PRKCH: variants seen among roughly 807,000 people sequenced by gnomAD.
PRKCH encodes protein kinase C eta type.
Under a neutral mutation model 82.5 loss-of-function variants are expected in PRKCH, and 28 were observed. The observed-to-expected ratio is 0.34, with a 90% CI of 0.25 to 0.47. The LOEUF is 0.47. Ranked by LOEUF, PRKCH falls within the 20% of genes least tolerant of loss-of-function variation. The pLI, the probability that PRKCH is intolerant of heterozygous loss-of-function variation, is 1.00. For synonymous variants in PRKCH, 322 were observed against 327.4 expected, an observed-to-expected ratio of 0.98 and a Z score of 0.18; for missense variants, 705 against 881.8, an observed-to-expected ratio of 0.80 and a Z score of 2.54.
chr14:61,230,954 A>C (rs892507453), intron 1 of PRKCH, among the ~76,000 whole-genome samples: 1 of 152,274 alleles, frequency 6.6e-6, no homozygotes, highest in Non-Finnish European at 1.5e-5. Flanking sequence ...GTCCACCATC[A>C]ATTTAATTTA....
upstream of PRKCH, among the ~76,000 whole-genome samples, chr14:61,321,311 C>G (rs576035083): frequency 2.6e-5 from 4 of 152,204 alleles, no homozygotes; most frequent in Admixed American, 2.0e-4. This position sits in a 1 kb window ranked among gnomAD's most constrained non-coding sequence, Gnocchi z 4.1. Flanking sequence ...TCCCAACCTT[C>G]CATCGCTCCC....
Position 61,443,246 on chromosome 14 carries a change from G to T in PRKCH, c.563G>T (p.Cys188Phe). ...YLRQPTYCSH[C>F]REFIWGVFGK... ...AGGCAGCCCACCTACTGCTCTCACT[G>T]CAGGGAGTTTATCTGGTAAGGGGTT... The change falls in exon 3 of 14, where the codon TGC becomes TTC. Residue 188 changes from cysteine to phenylalanine, a missense_variant. Physicochemically the swap from Cys to Phe is radical, Grantham distance 205 (BLOSUM62 -2). This residue lies in a region of PRKCH where 246 missense variants were observed against 308.0 expected (regional missense o/e 0.80). Transcript: ENST00000332981. The T allele has an allele frequency of 1.2e-6, 2 of 1,613,896 alleles. No individual in the cohort carries two copies. Among genetic ancestry groups the T allele is most frequent in the Non-Finnish European group, 1.7e-6 (2 of 1,179,880 alleles).
At chr14:61,332,350 T>A (rs534379134) in intron 1 of PRKCH, among the ~76,000 whole-genome samples, 2 of 152,342 alleles carry the variant, frequency 1.3e-5, no homozygotes, top group African/African-American at 4.8e-5. Context: ...TTATCAAGAT[T>A]ATTATGTTAG....
intron 1 of PRKCH, among the ~76,000 whole-genome samples, chr14:61,264,603 A>G (rs2045080328): frequency 6.6e-6 from 1 of 152,168 alleles, no homozygotes; most frequent in Non-Finnish European, 1.5e-5. Flanking sequence ...CTTACAAATC[A>G]ATATTAGCCA....
chr14:61,402,526 G>T (rs543817530), intron 2 of PRKCH, among the ~76,000 whole-genome samples: 125 of 152,334 alleles, frequency 8.2e-4, no homozygotes, highest in African/African-American at 2.9e-3. Flanking sequence ...GCTGGGCGCA[G>T]TGGCTCACGC....
chr14:61,529,156 T>G lies in PRKCH; in HGVS notation c.1515T>G (p.Ile505Met). ...ACTTCGGAATGTGCAAGGAGGGGAT[T>G]TGCAATGGTGTCACCACGGCCACAT... ...LADFGMCKEG[I>M]CNGVTTATFC... Residue 505 changes from isoleucine (I) to methionine (M), a missense_variant, in exon 11 of 14, where the codon ATT becomes ATG. This residue lies in a region of PRKCH where 115 missense variants were observed against 193.8 expected (regional missense o/e 0.59). Transcript: ENST00000332981. 1 of 1,613,996 alleles carries G rather than the reference T, an allele frequency of 6.2e-7. No homozygotes were observed. The highest frequency in any genetic ancestry group is 8.5e-7 in the Non-Finnish European group (1 of 1,179,936).
intron 1 of PRKCH, among the ~76,000 whole-genome samples, chr14:61,341,161 G>A (rs889106213): frequency 5.9e-5 from 9 of 152,102 alleles, no homozygotes; most frequent in Non-Finnish European, 8.8e-5. Flanking sequence ...TCAGGCTCCT[G>A]GGGAGGGTTC....
chr14:61,532,009 C>T (rs754738179), intron 12 of PRKCH, among the ~76,000 whole-genome samples: 10 of 152,222 alleles, frequency 6.6e-5, no homozygotes, highest in Non-Finnish European at 1.5e-4. Context: ...AACACAGCCT[C>T]ATCGTGCTGC....
chr14:61,502,932 G>A (rs1360708233), intron 10 of PRKCH, among the ~76,000 whole-genome samples: 1 of 151,720 alleles, frequency 6.6e-6, no homozygotes, highest in Non-Finnish European at 1.5e-5. Context: ...AGCCCTTCCT[G>A]GGGGATGTGT....
intron 1 of PRKCH, among the ~76,000 whole-genome samples, chr14:61,329,291 C>T (rs183307755): frequency 1.5e-3 from 185 of 124,626 alleles, no homozygotes; most frequent in African/African-American, 4.7e-3. Flanking sequence ...GGCTGGAGTA[C>T]AGTGGCACGA....
At chr14:61,199,775 C>T (rs1027621730) in intron 1 of PRKCH, among the ~76,000 whole-genome samples, 9 of 152,170 alleles carry the variant, frequency 5.9e-5, no homozygotes, top group African/African-American at 2.2e-4. Context: ...TTATATCTCC[C>T]CCTCCCCTTT....
chr14:61,466,114 C>A (rs554505631), intron 9 of PRKCH, among the ~76,000 whole-genome samples: 1 of 152,196 alleles, frequency 6.6e-6, no homozygotes, highest in South Asian at 2.1e-4. Context: ...TCCCCAGCCT[C>A]AAAAAAGACT....
At chr14:61,377,406 A>T (rs2140180925) in intron 1 of PRKCH, among the ~76,000 whole-genome samples, 1 of 152,342 alleles carries the variant, frequency 6.6e-6, no homozygotes, top group South Asian at 2.1e-4. Context: ...TATTTCCAAC[A>T]TCTTGCCAGA....
Position 61,549,837 on chromosome 14 carries a change from T to C in PRKCH, c.*6T>C. On this transcript the variant is annotated 3_prime_UTR_variant, in exon 14 of 14. Transcript: ENST00000332981. ...CTCCAGAATTGCAACCATAGCCTTATGGGGAGTGAGAGAGAGGGCACGAGA... is the reference window on the plus strand; with the variant it reads ...CTCCAGAATTGCAACCATAGCCTTACGGGGAGTGAGAGAGAGGGCACGAGA... The C allele has an allele frequency of 1.2e-6, 2 of 1,613,218 alleles. No homozygotes were observed. Among genetic ancestry groups the C allele is most frequent in the South Asian group, 1.1e-5 (1 of 90,972 alleles).
At chr14:61,372,137 C>A (rs2046371001) in intron 1 of PRKCH, among the ~76,000 whole-genome samples, 1 of 151,938 alleles carries the variant, frequency 6.6e-6, no homozygotes. Flanking sequence ...AAAGATGCCC[C>A]TGGCTCACTT....
intron 1 of PRKCH, among the ~76,000 whole-genome samples, chr14:61,190,982 A>G (rs1360651083): frequency 6.6e-6 from 1 of 152,260 alleles, no homozygotes; most frequent in Admixed American, 6.5e-5. Flanking sequence ...GCTCAAGCCA[A>G]AAGACCACAG....
At chr14:61,229,593 A>G (rs902203401) in intron 1 of PRKCH, among the ~76,000 whole-genome samples, 8 of 152,162 alleles carry the variant, frequency 5.3e-5, no homozygotes, top group African/African-American at 1.9e-4. Context: ...CAGCTTATAT[A>G]ACTGAAACCT....
intron 1 of PRKCH, among the ~76,000 whole-genome samples, chr14:61,211,422 G>C (rs1255024832): frequency 6.6e-6 from 1 of 152,120 alleles, no homozygotes; most frequent in Non-Finnish European, 1.5e-5. Context: ...GTTCCAGCCT[G>C]GCTAAATGAA....
At chr14:61,308,856 T>C (rs186052003) in intron 1 of PRKCH, among the ~76,000 whole-genome samples, 1 of 151,300 alleles carries the variant, frequency 6.6e-6, no homozygotes, top group African/African-American at 2.5e-5. Context: ...CTTGAATTCC[T>C]GGCCTCAAGC....
Sources: gnomAD v4.1 joint callset for allele counts (sites outside exome capture counted in the v4.1 genomes callset) on GRCh38, gnomAD v4.1.1 for gene constraint, gnomAD v4.1.1 regional missense constraint, Gnocchi (gnomAD v3.1) non-coding constraint, MANE v1.5 for transcripts, NCBI Gene and HGNC (gene_info 2026-07-23, HGNC 2026-07-21) for gene names.